Variants in PAM observed in about 807,000 individuals in gnomAD.
The protein encoded by PAM is peptidylglycine alpha-amidating monooxygenase.
A neutral mutation model predicts 122.1 loss-of-function variants in PAM; 72 were observed. The observed-to-expected ratio is 0.59, with a 90% CI of 0.49 to 0.72. The LOEUF (loss-of-function observed/expected upper bound fraction) is 0.72. PAM is among the 30% of genes least tolerant of loss of function. The pLI is 0.00. For missense variants in PAM, 1,106 were observed against 1,183.7 expected (o/e 0.93, Z 0.96); for synonymous variants, 389 against 404.4 (o/e 0.96, Z 0.46).
intron 1 of PAM, among the ~76,000 whole-genome samples, chr5:102,808,525 A>G (rs563482759): frequency 6.6e-6 from 1 of 152,354 alleles, no homozygotes; most frequent in African/African-American, 2.4e-5. Context: ...TATTCGAAAT[A>G]TGTAACTTCC....
intron 1 of PAM, among the ~76,000 whole-genome samples, chr5:102,841,127 A>G (rs1778481963): frequency 6.6e-6 from 1 of 152,184 alleles, no homozygotes; most frequent in Non-Finnish European, 1.5e-5. Context: ...AAACTAGTAT[A>G]GAAACAAGAA....
intron 15 of PAM, chr5:102,974,925 A>G (rs1767114086): frequency 6.6e-6 from 1 of 152,338 alleles, no homozygotes; most frequent in Non-Finnish European, 1.5e-5. Context: ...AACCATTTTT[A>G]TGATTTTGAT....
At chr5:102,824,192 G>A (rs1445471928) in intron 1 of PAM, among the ~76,000 whole-genome samples, 1 of 152,138 alleles carries the variant, frequency 6.6e-6, no homozygotes, top group Non-Finnish European at 1.5e-5. Flanking sequence ...TGTTGAGTTC[G>A]AGACTATGTT....
intron 7 of PAM, among the ~76,000 whole-genome samples, chr5:102,932,585 TTG>T (rs1438351886): frequency 1.4e-5 from 2 of 148,146 alleles, no homozygotes; most frequent in African/African-American, 4.9e-5. Context: ...ATACATATAA[TTG>T]TATATATATA....
chr5:102,945,191 C>A (rs1756622327), intron 7 of PAM, among the ~76,000 whole-genome samples: 1 of 151,960 alleles, frequency 6.6e-6, no homozygotes, highest in East Asian at 1.9e-4. Context: ...AAATGTTGAT[C>A]ACTAGTGCTA....
At chr5:102,803,197 GGAAGGAAGGAAA>G (rs1222786033) in intron 1 of PAM, among the ~76,000 whole-genome samples, 241 of 18,048 alleles carry the variant, frequency 0.013, no homozygotes, top group Admixed American at 0.032. Context: ...AAGGAAGGAA[GGAAGGAAGGAAA>G]GAAGGAAGGA....
At chr5:102,919,632 T>C (rs1751251193) in intron 5 of PAM, among the ~76,000 whole-genome samples, 1 of 152,160 alleles carries the variant, frequency 6.6e-6, no homozygotes, top group Admixed American at 6.5e-5. Context: ...AAATGTGTCA[T>C]TGAGTGCAGT....
intron 1 of PAM, among the ~76,000 whole-genome samples, chr5:102,787,668 G>A (rs1445185264): frequency 6.6e-6 from 1 of 151,896 alleles, no homozygotes; most frequent in Non-Finnish European, 1.5e-5. Context: ...TCTTAGCAAG[G>A]AAATTTGTAT....
At chr5:103,017,018 T>C (rs964822615) in intron 21 of PAM, among the ~76,000 whole-genome samples, 5 of 152,170 alleles carry the variant, frequency 3.3e-5, no homozygotes, top group East Asian at 1.9e-4. Flanking sequence ...AGACAGATAA[T>C]GCAACACCAA....
intron 1 of PAM, among the ~76,000 whole-genome samples, chr5:102,864,184 A>ATATATT (rs1472850333): frequency 3.9e-4 from 52 of 133,678 alleles, no homozygotes; most frequent in African/African-American, 1.4e-3. Context: ...ATATATATAT[A>ATATATT]TTTTTTTTTT....
chr5:103,000,340 C>T (rs992087470), intron 16 of PAM, among the ~76,000 whole-genome samples: 1 of 152,184 alleles, frequency 6.6e-6, no homozygotes, highest in Non-Finnish European at 1.5e-5. Flanking sequence ...GAGACCATGC[C>T]AGCCTGGACT....
At chr5:102,850,773 C>T (rs1414217157) in intron 1 of PAM, among the ~76,000 whole-genome samples, 2 of 152,130 alleles carry the variant, frequency 1.3e-5, no homozygotes, top group Admixed American at 6.5e-5. Flanking sequence ...CTGTGGGGAA[C>T]GGAGCCATGT....
At chr5:102,763,781 A>AC in intron 1 of PAM, among the ~76,000 whole-genome samples, 1 of 152,232 alleles carries the variant, frequency 6.6e-6, no homozygotes, top group East Asian at 1.9e-4. Context: ...GTGAGGCTGG[A>AC]CCCCTTGGCT....
intron 7 of PAM, among the ~76,000 whole-genome samples, chr5:102,930,359 G>C (rs1751051022): frequency 6.6e-6 from 1 of 152,098 alleles, no homozygotes; most frequent in Non-Finnish European, 1.5e-5. Flanking sequence ...AAAGTGGAGA[G>C]GTATGAAGTC....
chr5:102,863,956 T>C lies in PAM; in HGVS notation c.-373-1867T>C, dbSNP rs145784602. Among the ~76,000 whole-genome samples, 743 of 151,202 alleles carry C rather than the reference T, an allele frequency of 4.9e-3. 3 individuals carry two copies. The highest frequency in any genetic ancestry group is 0.027 in the Middle Eastern group (8 of 294). ...AATTCCCTTTTCTTTAAGTGGGTGGTTTAGGGACATCAAAGGTAATAAAAT... is the reference window on the plus strand; with the variant it reads ...AATTCCCTTTTCTTTAAGTGGGTGGCTTAGGGACATCAAAGGTAATAAAAT... On this transcript the variant is annotated intron_variant, in intron 1 of 25. Transcript: ENST00000438793.
chr5:102,902,422 A>T (rs1360742678), intron 4 of PAM, among the ~76,000 whole-genome samples: 1 of 151,658 alleles, frequency 6.6e-6, no homozygotes, highest in African/African-American at 2.4e-5. Flanking sequence ...TTTGCTGCAT[A>T]GTTAATTCCT....
At chr5:102,913,640 T>C (rs1002478589) in intron 4 of PAM, among the ~76,000 whole-genome samples, 3 of 152,004 alleles carry the variant, frequency 2.0e-5, no homozygotes, top group African/African-American at 7.2e-5. Context: ...GCAGATTTCA[T>C]TTAATACCCA....
intron 1 of PAM, among the ~76,000 whole-genome samples, chr5:102,810,062 C>G (rs1050525557): frequency 1.3e-5 from 2 of 152,102 alleles, no homozygotes; most frequent in East Asian, 1.9e-4. Flanking sequence ...AAAACACTCA[C>G]CTAATACTTA....
At chr5:102,977,853 C>G (rs1365170912) in intron 15 of PAM, among the ~76,000 whole-genome samples, 1 of 151,972 alleles carries the variant, frequency 6.6e-6, no homozygotes, top group Non-Finnish European at 1.5e-5. Context: ...TATGTGGTCT[C>G]TATGCAAGTA....
Sources: allele counts gnomAD v4.1 joint callset (sites outside exome capture counted in the v4.1 genomes callset), GRCh38; gene constraint gnomAD v4.1.1; transcripts MANE v1.5; gene names NCBI Gene and HGNC (gene_info 2026-07-23, HGNC 2026-07-21).